The following ATP6V0E1 variants were observed in gnomAD, a reference collection of about 807,000 sequenced individuals.
ATP6V0E1 encodes ATPase H+ transporting V0 subunit e1.
ATP6V0E1 carries 4 observed loss-of-function variants against 11.6 expected under a neutral mutation model. The ratio of observed to expected loss-of-function variants is 0.35; its 90% CI spans 0.17 to 0.79. ATP6V0E1 has a LOEUF of 0.79. Among genes scored for constraint, ATP6V0E1 ranks in the 30% least tolerant of loss-of-function variants. ATP6V0E1 has a pLI of 0.54. For synonymous variants in ATP6V0E1, 36 were observed against 34.8 expected, an observed-to-expected ratio of 1.04 and a Z score of -0.13; for missense variants, 105 against 100.0, an observed-to-expected ratio of 1.05 and a Z score of -0.21.
chr5:173,033,004 G>A (rs1449736814), intron 3 of ATP6V0E1, among the ~76,000 whole-genome samples: 1 of 152,244 alleles, frequency 6.6e-6, no homozygotes, highest in Non-Finnish European at 1.5e-5. Flanking sequence ...GCTGAGGCAG[G>A]AAGATTGCTT....
intron 3 of ATP6V0E1, among the ~76,000 whole-genome samples, chr5:173,022,112 A>G (rs1369651632): frequency 6.6e-6 from 1 of 152,248 alleles, no homozygotes; most frequent in Admixed American, 6.5e-5. Context: ...GGTATAGTGG[A>G]AAGATTTATT....
Position 172,995,427 on chromosome 5 carries a change from C to T in ATP6V0E1, c.152+605C>T, listed in dbSNP as rs183082052. 3.7e-3 allele frequency among the ~76,000 whole-genome samples: 565 copies of T among 152,190 alleles called. 2 individuals are homozygous for T. Among genetic ancestry groups the T allele is most frequent in the African/African-American group, 0.013 (541 of 41,516 alleles). The stretch of plus-strand genomic sequence containing the variant: ...TACTATTGTGAAGTATTTAGATCTA[C>T]TTATTTTACTGAAATATCTCACTAA... On this transcript the variant is annotated intron_variant, in intron 2 of 3. Coordinates refer to ENST00000519374, the MANE Select transcript of ATP6V0E1 (RefSeq NM_003945.4).
At chr5:172,992,508 C>T (rs1022216644) in intron 1 of ATP6V0E1, among the ~76,000 whole-genome samples, 5 of 152,098 alleles carry the variant, frequency 3.3e-5, no homozygotes, top group Non-Finnish European at 5.9e-5. Context: ...CCTCTCACCC[C>T]CTGCCTTTGA....
At chr5:173,013,038 G>A (rs1756352404) in intron 2 of ATP6V0E1, among the ~76,000 whole-genome samples, 1 of 152,054 alleles carries the variant, frequency 6.6e-6, no homozygotes, top group Non-Finnish European at 1.5e-5. Flanking sequence ...GCCAAGCCTG[G>A]TGGCACGTGC....
chr5:172,986,976 C>T (rs1041868334), intron 1 of ATP6V0E1: 8 of 243,774 alleles, frequency 3.3e-5, no homozygotes, highest in South Asian at 1.9e-4. Flanking sequence ...TTAGTAGAGA[C>T]GGGATTTCAC....
At chr5:173,026,533 A>T (rs1756560864) in intron 3 of ATP6V0E1, among the ~76,000 whole-genome samples, 1 of 152,238 alleles carries the variant, frequency 6.6e-6, no homozygotes, top group South Asian at 2.1e-4. Flanking sequence ...TCATATGTAT[A>T]TACACACATA....
intron 2 of ATP6V0E1, among the ~76,000 whole-genome samples, chr5:173,005,810 C>T (rs1461493110): frequency 6.6e-6 from 1 of 152,142 alleles, no homozygotes; most frequent in African/African-American, 2.4e-5. Flanking sequence ...TTTCATTTTA[C>T]TCCATTTGAA....
intron 2 of ATP6V0E1, among the ~76,000 whole-genome samples, chr5:173,000,789 C>T (rs1756140152): frequency 6.6e-6 from 1 of 151,712 alleles, no homozygotes; most frequent in Admixed American, 6.6e-5. Flanking sequence ...CAACCTCCAC[C>T]TCCCAGGTTC....
intron 2 of ATP6V0E1, among the ~76,000 whole-genome samples, 182 bp from the exon 3 acceptor site, chr5:173,020,056 G>C (rs969940808): frequency 2.6e-5 from 4 of 152,102 alleles, no homozygotes; most frequent in African/African-American, 9.7e-5. Context: ...ATGAAGGCAG[G>C]CTACGTCCTG....
chr5:173,008,282 CTTTTT>C (rs970851636), intron 2 of ATP6V0E1, among the ~76,000 whole-genome samples: 3 of 149,208 alleles, frequency 2.0e-5, no homozygotes, highest in Middle Eastern at 3.4e-3. Flanking sequence ...AGTCCTGTTC[CTTTTT>C]TTTTCTTTTC....
intron 1 of ATP6V0E1, among the ~76,000 whole-genome samples, chr5:172,991,531 G>A (rs1755977980): frequency 6.6e-6 from 1 of 152,096 alleles, no homozygotes; most frequent in African/African-American, 2.4e-5. Context: ...TAGATATAAT[G>A]TGTTTTGGGG....
chr5:173,017,411 G>A (rs773670918), intron 2 of ATP6V0E1, among the ~76,000 whole-genome samples: 2 of 151,826 alleles, frequency 1.3e-5, no homozygotes, highest in African/African-American at 2.4e-5. Flanking sequence ...GCAGGCGCCT[G>A]TAATCCCAAC....
chr5:172,990,152 A>G (rs918658015), intron 1 of ATP6V0E1, among the ~76,000 whole-genome samples: 79 of 152,134 alleles, frequency 5.2e-4, no homozygotes, highest in African/African-American at 1.8e-3. Flanking sequence ...AAACTTATGA[A>G]TCTTTTCTTT....
intron 1 of ATP6V0E1, among the ~76,000 whole-genome samples, chr5:172,985,258 A>G (rs536392608): frequency 3.9e-5 from 6 of 152,106 alleles, no homozygotes; most frequent in African/African-American, 1.4e-4. Flanking sequence ...AAAAAAAAAA[A>G]AAAAGAAAGA....
chr5:172,993,681 C>CG (rs1332331700), intron 1 of ATP6V0E1, among the ~76,000 whole-genome samples: 2 of 108,590 alleles, frequency 1.8e-5, no homozygotes, highest in Admixed American at 9.3e-5. Flanking sequence ...ATATTGAGAC[C>CG]CCCCCCCCCG....
intron 2 of ATP6V0E1, among the ~76,000 whole-genome samples, chr5:173,012,908 C>T (rs1461786007): frequency 6.6e-6 from 1 of 152,116 alleles, no homozygotes. Flanking sequence ...TGTAGTGGCT[C>T]ACACCTGTAA....
intron 2 of ATP6V0E1, among the ~76,000 whole-genome samples, chr5:173,008,065 G>A (rs1045509786): frequency 6.6e-6 from 1 of 152,194 alleles, no homozygotes; most frequent in Non-Finnish European, 1.5e-5. Context: ...CACCCACTCC[G>A]CGACCTCCGG....
chr5:173,002,092 A>G (rs529643234), intron 2 of ATP6V0E1, among the ~76,000 whole-genome samples: 4 of 152,282 alleles, frequency 2.6e-5, no homozygotes, highest in East Asian at 1.9e-4. Flanking sequence ...CTCATGGCCA[A>G]TCGTGTTTTA....
chr5:173,020,395 A>T, intron 3 of ATP6V0E1, 28 bp downstream of exon 3: 1 of 1,350,178 alleles, frequency 7.4e-7, no homozygotes, highest in South Asian at 1.2e-5. Context: ...CTTTCTTATC[A>T]GTATGGTCAG....
Sources: gnomAD v4.1 joint callset for allele counts (sites outside exome capture counted in the v4.1 genomes callset) on GRCh38, gnomAD v4.1.1 for gene constraint, MANE v1.5 for transcripts, NCBI Gene and HGNC (gene_info 2026-07-23, HGNC 2026-07-21) for gene names.